The following STXBP5 variants were observed in gnomAD, a reference collection of about 807,000 sequenced individuals.
STXBP5 encodes syntaxin-binding protein 5.
A neutral mutation model predicts 152.4 loss-of-function variants in STXBP5; 50 were observed. That is an observed-to-expected ratio of 0.33 (90% CI 0.26 to 0.42). The LOEUF (loss-of-function observed/expected upper bound fraction) is 0.42, where lower values mean the gene tolerates loss of function less well. Ranked by LOEUF, STXBP5 falls within the 10% of genes least tolerant of loss-of-function variation. The pLI is 1.00. For missense variants in STXBP5, 1,167 were observed against 1,388.6 expected (o/e 0.84, Z 2.54); for synonymous variants, 492 against 494.7 (o/e 0.99, Z 0.07).
intron 3 of STXBP5, among the ~76,000 whole-genome samples, chr6:147,237,620 A>C (rs1778344721): frequency 6.6e-6 from 1 of 152,220 alleles, no homozygotes; most frequent in African/African-American, 2.4e-5. Flanking sequence ...CTTTTAGTGA[A>C]ATGGAGAGAG....
intron 25 of STXBP5, among the ~76,000 whole-genome samples, chr6:147,370,960 A>G (rs1415553196): frequency 6.6e-6 from 1 of 152,088 alleles, no homozygotes; most frequent in Non-Finnish European, 1.5e-5. Context: ...AAGCCCATAC[A>G]TTGACCCATT....
chr6:147,316,036 G>A (rs1289519112), intron 15 of STXBP5, among the ~76,000 whole-genome samples, 193 bp from the exon 16 acceptor site: 1 of 152,098 alleles, frequency 6.6e-6, no homozygotes, highest in Non-Finnish European at 1.5e-5. Context: ...GCACGTTTGT[G>A]TGTGTACTCC....
chr6:147,382,699 G>A (rs1297434974), intron 26 of STXBP5, 79 bp from the exon 27 acceptor site: 2 of 1,448,018 alleles, frequency 1.4e-6, no homozygotes, highest in Non-Finnish European at 1.9e-6. Context: ...TCCAAAAATT[G>A]TATTTTAATG....
chr6:147,218,404 C>A (rs945452407), intron 2 of STXBP5, among the ~76,000 whole-genome samples: 4 of 152,118 alleles, frequency 2.6e-5, no homozygotes, highest in South Asian at 2.1e-4. Flanking sequence ...ATATAAATTT[C>A]AAATAATTTC....
chr6:147,262,794 ATAATG>A lies in STXBP5; in HGVS notation c.630+444_630+448del, dbSNP rs1779704891. Among the ~76,000 whole-genome samples, 4 of 151,110 alleles carry A rather than the reference ATAATG, an allele frequency of 2.6e-5. No homozygotes were observed. In the South Asian group the frequency reaches 8.3e-4, roughly 31 times the overall value. On this transcript the variant is annotated intron_variant, in intron 6 of 27. Transcript: ENST00000321680. Reference sequence around the variant, plus strand: ...TTTTTGTCATAAATAGTTCTAATTAATAATGTAGAGTTTTTTTTAATGTTATTTAA... The same window carrying A: ...TTTTTGTCATAAATAGTTCTAATTAATAGAGTTTTTTTTAATGTTATTTAA...
intron 4 of STXBP5, among the ~76,000 whole-genome samples, chr6:147,239,559 G>A (rs1340914903): frequency 6.6e-6 from 1 of 152,074 alleles, no homozygotes; most frequent in Non-Finnish European, 1.5e-5. Flanking sequence ...TAAAAGGGAA[G>A]CTATTACATA....
intron 2 of STXBP5, among the ~76,000 whole-genome samples, chr6:147,216,338 G>T (rs1448225523): frequency 1.3e-5 from 2 of 152,148 alleles, no homozygotes; most frequent in East Asian, 1.9e-4. Context: ...GTTGCCGTGA[G>T]CTGAGACTGC....
intron 5 of STXBP5, among the ~76,000 whole-genome samples, chr6:147,261,372 T>C (rs1341639393): frequency 6.6e-6 from 1 of 152,038 alleles, no homozygotes; most frequent in Non-Finnish European, 1.5e-5. Flanking sequence ...TTAAATTTTT[T>C]GTATCTTATC....
At chr6:147,225,904 A>G (rs1459463256) in intron 2 of STXBP5, among the ~76,000 whole-genome samples, 2 of 152,204 alleles carry the variant, frequency 1.3e-5, no homozygotes, top group African/African-American at 4.8e-5. Flanking sequence ...TAAGGGCTAT[A>G]ATGGATCCTA....
chr6:147,332,561 A>G (rs1054832995), intron 18 of STXBP5, among the ~76,000 whole-genome samples: 1 of 152,216 alleles, frequency 6.6e-6, no homozygotes, highest in Admixed American at 6.5e-5. Flanking sequence ...GGTGAGTTCA[A>G]GGAACAATGA....
At chr6:147,339,448 A>T in intron 21 of STXBP5, 64 bp downstream of exon 21, 1 of 1,208,944 alleles carries the variant, frequency 8.3e-7, no homozygotes, top group East Asian at 2.9e-5. Context: ...ACCCAACACC[A>T]GAATTATCCA....
intron 3 of STXBP5, among the ~76,000 whole-genome samples, chr6:147,237,077 G>C (rs555360031): frequency 6.6e-6 from 1 of 151,980 alleles, no homozygotes; most frequent in African/African-American, 2.4e-5. Context: ...CGCCTGACCT[G>C]TTCTTCATTT....
At chr6:147,291,027 AACTATCAATGTAAGAATGTAGAGTAACT>A in intron 8 of STXBP5, 39 bp from the exon 9 acceptor site, 1 of 1,183,134 alleles carries the variant, frequency 8.5e-7, no homozygotes, top group Non-Finnish European at 1.2e-6. Flanking sequence ...TCATTTTATA[AACTATCAATGTAAGAATGTAGAGTAACT>A]TAGAATTTTA....
At chr6:147,276,873 C>T (rs1306977991) in intron 7 of STXBP5, among the ~76,000 whole-genome samples, 1 of 152,066 alleles carries the variant, frequency 6.6e-6, no homozygotes, top group Non-Finnish European at 1.5e-5. Flanking sequence ...AGTAAAGGAG[C>T]TCCTTAGGAA....
At chr6:147,353,509 T>G (rs992683749) in intron 22 of STXBP5, 136 bp downstream of exon 22, 2 of 502,360 alleles carry the variant, frequency 4.0e-6, no homozygotes, top group Non-Finnish European at 7.1e-6. Context: ...GTTTAAACAT[T>G]CTTTGGAATA....
At chr6:147,292,005 C>CA (rs1562466353) in intron 9 of STXBP5, among the ~76,000 whole-genome samples, 1 of 152,142 alleles carries the variant, frequency 6.6e-6, no homozygotes, top group Non-Finnish European at 1.5e-5. Context: ...TCTACTGAAT[C>CA]AAAAACTCTA....
Position 147,384,799 on chromosome 6 carries a change from G to A in STXBP5, c.*44G>A. 1 of 1,582,842 alleles carries A rather than the reference G, an allele frequency of 6.3e-7. No individual in the cohort carries two copies. Among genetic ancestry groups the A allele is most frequent in the Non-Finnish European group, 8.6e-7 (1 of 1,162,730 alleles). On this transcript the variant is annotated 3_prime_UTR_variant, in exon 28 of 28. Transcript: ENST00000321680. ...TCCAACTTCAGCCAGAAGGAAAAAA[G>A]TTTTCCATTTTTATTACATTCTTTA...
At chr6:147,235,156 G>A (rs1778207102) in intron 2 of STXBP5, 94 bp from the exon 3 acceptor site, 2 of 1,017,270 alleles carry the variant, frequency 2.0e-6, no homozygotes, top group Non-Finnish European at 3.0e-6. Flanking sequence ...TATTGAATAT[G>A]AGGTCATTGG....
intron 9 of STXBP5, among the ~76,000 whole-genome samples, chr6:147,294,046 C>T (rs911010497): frequency 3.3e-5 from 5 of 152,112 alleles, no homozygotes; most frequent in Admixed American, 1.3e-4. Context: ...AAACTTAGAT[C>T]TGGAGAAACC....
Sources: gnomAD v4.1 joint callset for allele counts (sites outside exome capture counted in the v4.1 genomes callset) on GRCh38, gnomAD v4.1.1 for gene constraint, MANE v1.5 for transcripts, NCBI Gene and HGNC (gene_info 2026-07-23, HGNC 2026-07-21) for gene names.